The following GRID1 variants were observed in gnomAD, a reference collection of about 807,000 sequenced individuals.
GRID1 encodes glutamate ionotropic receptor delta type subunit 1.
A neutral mutation model predicts 98.0 loss-of-function variants in GRID1; 28 were observed. That is an observed-to-expected ratio of 0.29 (90% CI 0.21 to 0.39). The LOEUF is 0.39. Among genes scored for constraint, GRID1 ranks in the 10% least tolerant of loss-of-function variants. The pLI is 1.00. For synonymous variants in GRID1, 553 were observed against 538.5 expected, an observed-to-expected ratio of 1.03 and a Z score of -0.37; for missense variants, 1,111 against 1,340.5, an observed-to-expected ratio of 0.83 and a Z score of 2.67.
At chr10:85,801,809 G>GA (rs1045330581) in intron 8 of GRID1, among the ~76,000 whole-genome samples, 20 of 151,494 alleles carry the variant, frequency 1.3e-4, no homozygotes, top group African/African-American at 3.4e-4. Context: ...CAATTATAGG[G>GA]AAAAAAACCT....
At chr10:85,914,369 A>G (rs1157328295) in intron 5 of GRID1, among the ~76,000 whole-genome samples, 1 of 152,246 alleles carries the variant, frequency 6.6e-6, no homozygotes, top group Non-Finnish European at 1.5e-5. Context: ...TCAGGGCCAC[A>G]TGGAATGCAT....
chr10:85,969,761 A>G (rs1166227851), intron 4 of GRID1, among the ~76,000 whole-genome samples: 1 of 152,040 alleles, frequency 6.6e-6, no homozygotes, highest in Non-Finnish European at 1.5e-5. Flanking sequence ...CAAATCAGTA[A>G]CTTAACCTTC....
intron 5 of GRID1, among the ~76,000 whole-genome samples, chr10:85,900,581 T>C (rs1841366915): frequency 6.6e-6 from 1 of 152,226 alleles, no homozygotes; most frequent in Non-Finnish European, 1.5e-5. Flanking sequence ...AATTGATTCA[T>C]ATCTAAAAAC....
At chr10:86,140,611 G>T (rs1047015664) in intron 3 of GRID1, among the ~76,000 whole-genome samples, 1 of 152,238 alleles carries the variant, frequency 6.6e-6, no homozygotes, top group African/African-American at 2.4e-5. Context: ...TAATGAGGGT[G>T]CTGGGGGCTG....
At chr10:85,783,836 G>A (rs1440988565) in intron 8 of GRID1, among the ~76,000 whole-genome samples, 2 of 152,162 alleles carry the variant, frequency 1.3e-5, no homozygotes, top group Admixed American at 6.5e-5. Context: ...AAGCTTACTT[G>A]AGCCAAAATA....
At position 85,998,523 on chromosome 10, in the gene GRID1, T is replaced by A. The variant is rs535042985; in HGVS notation, c.727-82284A>T. 3.9e-5 allele frequency among the ~76,000 whole-genome samples: 6 copies of A among 152,132 alleles called. No homozygotes were observed. The South Asian group carries it at 6.2e-4, about 16-fold the overall frequency. ...GAAATGCATAGCAATAAAATACTTA[T>A]ACTAAAAAAAAGAAAGATTTAAAAA... On this transcript the variant is annotated intron_variant, in intron 4 of 15. Transcript: ENST00000327946.
intron 12 of GRID1, among the ~76,000 whole-genome samples, chr10:85,709,837 C>T (rs1167387923): frequency 1.3e-5 from 2 of 152,104 alleles, no homozygotes; most frequent in African/African-American, 4.8e-5. Context: ...AAGTATTCCT[C>T]TTTGCTGTTC....
chr10:86,315,207 C>A, intron 2 of GRID1, among the ~76,000 whole-genome samples: 1 of 152,174 alleles, frequency 6.6e-6, no homozygotes, highest in East Asian at 1.9e-4. Context: ...GCACTTAGCA[C>A]ATTGCCTTGT....
chr10:86,013,819 C>G (rs973172617), intron 4 of GRID1, among the ~76,000 whole-genome samples: 1 of 152,122 alleles, frequency 6.6e-6, no homozygotes, highest in East Asian at 1.9e-4. Context: ...TGATAAGATA[C>G]GTGTATATAT....
chr10:86,308,594 A>G (rs1005358866), intron 2 of GRID1, among the ~76,000 whole-genome samples: 1 of 152,244 alleles, frequency 6.6e-6, no homozygotes, highest in Admixed American at 6.5e-5. Flanking sequence ...AATGGGAAGT[A>G]TGTTAAATAC....
chr10:86,276,730 C>T (rs1310832573), intron 2 of GRID1, among the ~76,000 whole-genome samples: 2 of 152,020 alleles, frequency 1.3e-5, no homozygotes, highest in Non-Finnish European at 2.9e-5. Context: ...CCTCAAGTGT[C>T]CCACCTGCCT....
chr10:86,047,790 G>T (rs950504685), intron 4 of GRID1, among the ~76,000 whole-genome samples: 1 of 152,140 alleles, frequency 6.6e-6, no homozygotes, highest in Non-Finnish European at 1.5e-5. Context: ...GAAATTACGT[G>T]TCTAATTAGA....
intron 3 of GRID1, among the ~76,000 whole-genome samples, chr10:86,205,663 A>G (rs1846015759): frequency 6.6e-6 from 1 of 152,202 alleles, no homozygotes; most frequent in Non-Finnish European, 1.5e-5. Flanking sequence ...ATTTTCAAAA[A>G]AATTGTTTAA....
chr10:85,914,733 A>G (rs1841588323), intron 5 of GRID1, among the ~76,000 whole-genome samples: 1 of 152,262 alleles, frequency 6.6e-6, no homozygotes, highest in South Asian at 2.1e-4. Context: ...AGAACTAATG[A>G]GGAAACAGAC....
chr10:85,842,329 G>A (rs1258121693), intron 8 of GRID1, among the ~76,000 whole-genome samples: 1 of 152,066 alleles, frequency 6.6e-6, no homozygotes, highest in East Asian at 1.9e-4. Flanking sequence ...AGCAGAGGAT[G>A]GGATGAGGGA....
intron 8 of GRID1, among the ~76,000 whole-genome samples, chr10:85,777,131 T>G (rs1842338981): frequency 6.6e-6 from 1 of 152,338 alleles, no homozygotes; most frequent in Admixed American, 6.5e-5. Context: ...TAATTACAGC[T>G]GGGCACCTTC....
At chr10:85,832,669 T>C (rs1167997486) in intron 8 of GRID1, among the ~76,000 whole-genome samples, 2 of 152,004 alleles carry the variant, frequency 1.3e-5, no homozygotes, top group Non-Finnish European at 2.9e-5. Context: ...AAAATAGTAA[T>C]GGAACTCAGC....
At chr10:86,043,654 T>A (rs947606215) in intron 4 of GRID1, among the ~76,000 whole-genome samples, 42 of 152,330 alleles carry the variant, frequency 2.8e-4, no homozygotes, top group Middle Eastern at 3.4e-3. Context: ...CACAGCTCAA[T>A]TGAATTCAAT....
At position 85,602,204 on chromosome 10, in the gene GRID1, G is replaced by A. The variant is rs1054979; in HGVS notation, c.*69C>T. ...GCGAGTGTGTGTGGTTTGTGTTGTTGTTTTCTTGTATTAAAAAGCTCTGCT... is the reference window on the plus strand; with the variant it reads ...GCGAGTGTGTGTGGTTTGTGTTGTTATTTTCTTGTATTAAAAAGCTCTGCT... On this transcript the variant is annotated 3_prime_UTR_variant, in exon 16 of 16. Coordinates refer to ENST00000327946, the MANE Select transcript of GRID1 (RefSeq NM_017551.3). 0.36 allele frequency: 325,513 copies of A among 901,828 alleles called. 58,342 individuals carry two copies. The highest frequency in any genetic ancestry group is 0.54 in the Middle Eastern group (1,534 of 2,818). 55.9% of individuals were successfully genotyped at this position (901,828 alleles called of 1,614,324 possible).
Sources: allele counts gnomAD v4.1 joint callset (sites outside exome capture counted in the v4.1 genomes callset), GRCh38; gene constraint gnomAD v4.1.1; transcripts MANE v1.5; gene names NCBI Gene and HGNC (gene_info 2026-07-23, HGNC 2026-07-21).